The following FAP variants were observed in gnomAD, a reference collection of about 807,000 sequenced individuals.
The protein encoded by FAP is fibroblast activation protein alpha.
A neutral mutation model predicts 126.5 loss-of-function variants in FAP; 110 were observed. That is an observed-to-expected ratio of 0.87 (90% CI 0.74 to 1.02). The LOEUF is 1.02. Among genes scored for constraint, FAP ranks in the 50% least tolerant of loss-of-function variants. The pLI is 0.00. For missense variants in FAP, 919 were observed against 909.2 expected (o/e 1.01, Z -0.14); for synonymous variants, 334 against 297.3 (o/e 1.12, Z -1.27).
intron 2 of FAP, 72 bp downstream of exon 2, chr2:162,242,836 A>G (rs1490890603): frequency 1.8e-6 from 2 of 1,124,344 alleles, no homozygotes; most frequent in Non-Finnish European, 1.3e-6. Context: ...ATGTTCAACC[A>G]CTTGTGATCT....
At chr2:162,191,823 C>T (rs571274281) in intron 17 of FAP, among the ~76,000 whole-genome samples, 55 of 152,230 alleles carry the variant, frequency 3.6e-4, no homozygotes, top group South Asian at 1.5e-3. Context: ...TGGATTCCCA[C>T]GGAATCTGGT....
At chr2:162,199,163 C>T (rs1180871772) in intron 15 of FAP, among the ~76,000 whole-genome samples, 1 of 152,142 alleles carries the variant, frequency 6.6e-6, no homozygotes, top group African/African-American at 2.4e-5. Flanking sequence ...GAGGTAGTCA[C>T]TTCCCATAAC....
intron 2 of FAP, 81 bp downstream of exon 2, chr2:162,242,827 T>C (rs546360243): frequency 2.9e-6 from 3 of 1,021,616 alleles, no homozygotes; most frequent in East Asian, 2.5e-5. Flanking sequence ...ACTTAGGAAA[T>C]GTTCAACCAC....
At chr2:162,225,399 G>T in intron 4 of FAP, 84 bp downstream of exon 4, 1 of 1,520,190 alleles carries the variant, frequency 6.6e-7, no homozygotes, top group Non-Finnish European at 8.9e-7. Context: ...GTCCAGATCA[G>T]GTGCTAAGAC....
intron 8 of FAP, among the ~76,000 whole-genome samples, chr2:162,218,671 G>A (rs2106274921): frequency 6.6e-6 from 1 of 150,848 alleles, no homozygotes; most frequent in African/African-American, 2.4e-5. Context: ...CCTAGAATGA[G>A]AACAAAATCA....
At chr2:162,226,841 G>A (rs1689674785) in intron 2 of FAP, among the ~76,000 whole-genome samples, 1 of 152,102 alleles carries the variant, frequency 6.6e-6, no homozygotes, top group East Asian at 1.9e-4. Flanking sequence ...TTCACTGCCT[G>A]GAAGGGAAAA....
chr2:162,205,135 T>A (rs1044599053), intron 12 of FAP, among the ~76,000 whole-genome samples: 1 of 152,222 alleles, frequency 6.6e-6, no homozygotes, highest in African/African-American at 2.4e-5. Flanking sequence ...CAGAACATCT[T>A]CTGGTTCTGA....
intron 12 of FAP, among the ~76,000 whole-genome samples, chr2:162,204,690 G>T (rs888055737): frequency 6.6e-6 from 1 of 152,096 alleles, no homozygotes; most frequent in Non-Finnish European, 1.5e-5. Context: ...CATGATTTCC[G>T]ACTTCCAGCT....
chr2:162,237,267 G>A (rs991989840), intron 2 of FAP, among the ~76,000 whole-genome samples: 11 of 152,090 alleles, frequency 7.2e-5, no homozygotes, highest in Admixed American at 2.6e-4. Context: ...TTTGCAGGAC[G>A]TGCAGGTTTG....
chr2:162,206,480 C>T (rs533932674), intron 12 of FAP, among the ~76,000 whole-genome samples: 10 of 152,274 alleles, frequency 6.6e-5, no homozygotes, highest in East Asian at 1.9e-4. Context: ...AGTGCACATT[C>T]GGTCAAAAGC....
At chr2:162,209,539 G>T (rs563328675) in intron 12 of FAP, 1 of 159,042 alleles carries the variant, frequency 6.3e-6, no homozygotes, top group South Asian at 1.9e-4. Context: ...AATTTAATAA[G>T]AGGTAGATTG....
intron 18 of FAP, 25 bp downstream of exon 18, chr2:162,189,631 A>G: frequency 7.7e-7 from 1 of 1,301,046 alleles, no homozygotes. Context: ...ATATCTATAA[A>G]TGAGAAGTTT....
At chr2:162,188,594 G>T (rs968812654) in intron 19 of FAP, among the ~76,000 whole-genome samples, 1 of 151,990 alleles carries the variant, frequency 6.6e-6, no homozygotes, top group Admixed American at 6.6e-5. Context: ...TACATCTAGG[G>T]TTGGCATTTC....
At chr2:162,188,402 T>A in intron 19 of FAP, 39 bp from the exon 20 acceptor site, 1 of 1,566,040 alleles carries the variant, frequency 6.4e-7, no homozygotes. Context: ...CTTTGATTGC[T>A]TTGTAAAACT....
intron 21 of FAP, among the ~76,000 whole-genome samples, chr2:162,181,424 T>C (rs1035802395): frequency 5.3e-5 from 8 of 152,184 alleles, no homozygotes; most frequent in Non-Finnish European, 1.0e-4. Flanking sequence ...TCATTTTCTA[T>C]ACTTTCCTCA....
intron 20 of FAP, among the ~76,000 whole-genome samples, chr2:162,185,603 CT>C (rs775525099): frequency 1.1e-4 from 16 of 152,056 alleles, no homozygotes; most frequent in Non-Finnish European, 1.9e-4. Flanking sequence ...GATATGACTT[CT>C]TTTTTTCCCC....
chr2:162,209,220 G>A (rs897631563), intron 12 of FAP, among the ~76,000 whole-genome samples: 2 of 152,058 alleles, frequency 1.3e-5, no homozygotes, highest in Non-Finnish European at 2.9e-5. Context: ...TCTTAGAGAA[G>A]TAGCCTTTCC....
chr2:162,241,109 T>G (rs1466677652), intron 2 of FAP, among the ~76,000 whole-genome samples: 1 of 152,206 alleles, frequency 6.6e-6, no homozygotes, highest in Non-Finnish European at 1.5e-5. Flanking sequence ...AATGATATAA[T>G]GAACCAAAAA....
In FAP at chr2:162,219,094, T is replaced by C. The variant is rs1689278083; in HGVS notation, c.576A>G (p.Ile192Met). 2 of 1,605,792 alleles carry C rather than the reference T, an allele frequency of 1.2e-6. No homozygotes were observed. Among genetic ancestry groups the C allele is most frequent in the South Asian group, 2.2e-5 (2 of 90,730 alleles). ...AAACCCAGTCTGGGATTCCATTAAA[T>C]ATTTTATTTTCTCTTCCATTAAATG... ...QITFNGRENK[I>M]FNGIPDWVYE... is the part of the protein sequence containing the mutation. Residue 192 changes from isoleucine to methionine, a missense_variant, in exon 8 of 26, where the codon ATA (isoleucine) becomes ATG (methionine). Transcript: ENST00000188790.
Sources: allele counts gnomAD v4.1 joint callset (sites outside exome capture counted in the v4.1 genomes callset), GRCh38; gene constraint gnomAD v4.1.1; transcripts MANE v1.5; gene names NCBI Gene and HGNC (gene_info 2026-07-23, HGNC 2026-07-21).